EGF: variants seen among roughly 807,000 people sequenced by gnomAD.
EGF encodes pro-epidermal growth factor.
In EGF, 95 loss-of-function variants were observed where a neutral mutation model predicts 143.8. The observed-to-expected ratio is 0.66, with a 90% CI of 0.56 to 0.78. EGF has a LOEUF of 0.78. EGF is among the 30% of genes least tolerant of loss of function. The pLI, the probability that EGF is intolerant of heterozygous loss-of-function variation, is 0.00. For synonymous variants in EGF, 510 were observed against 510.5 expected, an observed-to-expected ratio of 1.00 and a Z score of 0.01; for missense variants, 1,320 against 1,470.9, an observed-to-expected ratio of 0.90 and a Z score of 1.68.
Position 109,983,503 on chromosome 4 carries a change from A to C in EGF, c.2453A>C (p.Glu818Ala), listed in dbSNP as rs776923840. The C allele has an allele frequency of 6.2e-7, 1 of 1,613,848 alleles. No individual in the cohort carries two copies. The highest frequency in any genetic ancestry group is 8.5e-7 in the Non-Finnish European group (1 of 1,179,836). Residue 818 changes from glutamate to alanine, a missense_variant, in exon 16 of 24, where the codon GAA becomes GCA. Physicochemically the swap from Glu to Ala is moderately radical, Grantham distance 107. This residue lies in a region of EGF where 1,186 missense variants were observed against 1,313.7 expected (regional missense o/e 0.90). Coordinates refer to ENST00000265171, the MANE Select transcript of EGF (RefSeq NM_001963.6). ...KTRVSEDNIT[E>A]SQHMLVAEIM... The stretch of plus-strand genomic sequence containing the variant: ...AGAGTGTCAGAAGATAACATTACAG[A>C]ATCTCAACACATGCTAGTGGCTGAA...
In EGF at chr4:110,000,250, CAAA is replaced by C. The variant is rs754279332; in HGVS notation, c.3173+422_3173+424del. Among the ~76,000 whole-genome samples, 494 of 93,994 alleles carry C rather than the reference CAAA, an allele frequency of 5.3e-3. 15 individuals are homozygous for C. The East Asian group carries it at 0.11, about 20-fold the overall frequency. The allele number at this position is 93,994 out of a possible 152,430, so 61.7% of individuals were successfully genotyped here. ...TGGGCGATAGAGCGAGACTCCGTGT[CAAA>C]AAAAAAAAAAAAAAAAAGGTGAAAT... On this transcript the variant is annotated intron_variant, in intron 21 of 23. Coordinates refer to ENST00000265171, the MANE Select transcript of EGF (RefSeq NM_001963.6).
chr4:109,997,464 T>C (rs1361837738), intron 20 of EGF, among the ~76,000 whole-genome samples: 4 of 152,048 alleles, frequency 2.6e-5, no homozygotes, highest in Admixed American at 2.6e-4. Context: ...ACCAAATTTT[T>C]TTTTTCTTTT....
At chr4:109,952,679 A>G (rs936157986) in intron 5 of EGF, among the ~76,000 whole-genome samples, 9 of 152,206 alleles carry the variant, frequency 5.9e-5, no homozygotes, top group Admixed American at 4.6e-4. Context: ...ATGGATTGCT[A>G]TCTTTCTTAG....
chr4:109,926,399 A>G (rs1289670216), intron 1 of EGF, among the ~76,000 whole-genome samples: 5 of 148,576 alleles, frequency 3.4e-5, no homozygotes, highest in African/African-American at 5.0e-5. Context: ...CTGTCGCCCA[A>G]GCTGGAGTGC....
At chr4:110,011,157 T>C (rs770659809) in intron 23 of EGF, 45 bp from the exon 24 acceptor site, 29 of 1,608,240 alleles carry the variant, frequency 1.8e-5, no homozygotes, top group Non-Finnish European at 2.3e-5. Flanking sequence ...TGCCTATCTA[T>C]TGTTAATGAT....
intron 11 of EGF, among the ~76,000 whole-genome samples, chr4:109,974,281 T>C (rs1387775430): frequency 6.6e-6 from 1 of 152,180 alleles, no homozygotes; most frequent in African/African-American, 2.4e-5. Context: ...AATGTAAATC[T>C]CCACCTACTG....
intron 20 of EGF, among the ~76,000 whole-genome samples, chr4:109,995,167 T>C (rs937287455): frequency 6.6e-6 from 1 of 152,206 alleles, no homozygotes; most frequent in African/African-American, 2.4e-5. Context: ...AGGGATTAAA[T>C]GTCTCATCCT....
chr4:109,987,269 C>G (rs537402720), intron 16 of EGF, among the ~76,000 whole-genome samples: 7 of 152,234 alleles, frequency 4.6e-5, no homozygotes, highest in African/African-American at 1.4e-4. Flanking sequence ...GGCACATAAA[C>G]AGAAACATGG....
intron 5 of EGF, among the ~76,000 whole-genome samples, chr4:109,945,769 C>T (rs763684423): frequency 1.3e-5 from 2 of 152,088 alleles, no homozygotes; most frequent in African/African-American, 4.8e-5. Flanking sequence ...CTTTGAGTTT[C>T]TATGAGTAGC....
At chr4:109,999,007 A>C (rs927759748) in intron 20 of EGF, among the ~76,000 whole-genome samples, 5 of 151,584 alleles carry the variant, frequency 3.3e-5, no homozygotes, top group African/African-American at 1.2e-4. Flanking sequence ...TCAGCAGTTC[A>C]CTCTAGTGAC....
intron 1 of EGF, among the ~76,000 whole-genome samples, chr4:109,932,295 T>G (rs1345569353): frequency 1.4e-5 from 2 of 147,532 alleles, no homozygotes; most frequent in Non-Finnish European, 3.0e-5. Flanking sequence ...GTAAGGAATA[T>G]TAAAATGTTT....
At chr4:109,923,108 T>A (rs1280221150) in intron 1 of EGF, among the ~76,000 whole-genome samples, 1 of 151,566 alleles carries the variant, frequency 6.6e-6, no homozygotes, top group East Asian at 1.9e-4. Context: ...ATTAATTATT[T>A]TTTTTAAATA....
At chr4:109,971,162 T>C (rs1288146204) in intron 11 of EGF, among the ~76,000 whole-genome samples, 1 of 152,124 alleles carries the variant, frequency 6.6e-6, no homozygotes, top group Admixed American at 6.5e-5. Flanking sequence ...GGAACTGTAA[T>C]TGGAACTCAA....
chr4:110,009,065 C>T (rs1190837215), intron 23 of EGF, among the ~76,000 whole-genome samples: 1 of 152,166 alleles, frequency 6.6e-6, no homozygotes. Context: ...ATAACCTCCT[C>T]CTCAGATTTC....
chr4:109,917,590 C>A (rs1411149199), intron 1 of EGF, among the ~76,000 whole-genome samples: 2 of 151,742 alleles, frequency 1.3e-5, no homozygotes, highest in Non-Finnish European at 2.9e-5. Context: ...GTTTGGGCTT[C>A]TATTGATCCC....
Position 109,943,907 on chromosome 4 carries a change from T to G in EGF, c.575T>G (p.Val192Gly). 1 of 1,614,036 alleles carries G rather than the reference T, an allele frequency of 6.2e-7. No individual in the cohort carries two copies. The highest frequency in any genetic ancestry group is 8.5e-7 in the Non-Finnish European group (1 of 1,180,004). The stretch of plus-strand genomic sequence containing the variant: ...AGAGCAGATCTCGATGGTGTGGGAG[T>G]GAAGGCTCTGTTGGAGACATCAGAG... ...LYRADLDGVG[V>G]KALLETSEKI... The change falls in exon 4 of 24, where the codon GTG becomes GGG. Residue 192 changes from valine (V) to glycine (G), a missense_variant. Transcript: ENST00000265171.
intron 1 of EGF, among the ~76,000 whole-genome samples, chr4:109,935,277 A>G (rs1740559455): frequency 1.3e-5 from 2 of 151,794 alleles, no homozygotes; most frequent in South Asian, 2.1e-4. Context: ...GGTTCTTCAC[A>G]TCCCTTATAA....
chr4:109,987,663 G>A, intron 16 of EGF, 81 bp from the exon 17 acceptor site: 1 of 1,161,178 alleles, frequency 8.6e-7, no homozygotes, highest in Non-Finnish European at 1.3e-6. Context: ...GTGGTGGACT[G>A]TTCTGTAGAA....
chr4:109,941,992 T>C (rs1216403334), intron 2 of EGF, among the ~76,000 whole-genome samples: 1 of 152,194 alleles, frequency 6.6e-6, no homozygotes, highest in South Asian at 2.1e-4. Context: ...CTATTTTTTG[T>C]TTTTTAGCCA....
Sources: allele counts gnomAD v4.1 joint callset (sites outside exome capture counted in the v4.1 genomes callset), GRCh38; gene constraint gnomAD v4.1.1; regional missense constraint gnomAD v4.1.1; transcripts MANE v1.5; gene names NCBI Gene and HGNC (gene_info 2026-07-23, HGNC 2026-07-21).